The following NCKAP5 variants were observed in gnomAD, a reference collection of about 807,000 sequenced individuals.
The protein encoded by NCKAP5 is NCK associated protein 5.
A neutral mutation model predicts 167.0 loss-of-function variants in NCKAP5; 92 were observed. The ratio of observed to expected loss-of-function variants is 0.55; its 90% CI spans 0.47 to 0.66. NCKAP5 has a LOEUF of 0.66. NCKAP5 is among the 30% of genes least tolerant of loss of function. The pLI is 0.00. For synonymous variants in NCKAP5, 891 were observed against 877.4 expected (o/e 1.02, Z -0.27); for missense variants, 2,378 against 2,315.0 (o/e 1.03, Z -0.56).
At chr2:132,907,420 T>C (rs1221303309) in intron 8 of NCKAP5, among the ~76,000 whole-genome samples, 1 of 152,220 alleles carries the variant, frequency 6.6e-6, no homozygotes, top group South Asian at 2.1e-4. Flanking sequence ...AGAGTCCTCT[T>C]TAAGTTTAGC....
chr2:133,645,152 C>T, the NCKAP5 span, among the ~76,000 whole-genome samples: 1 of 152,106 alleles, frequency 6.6e-6, no homozygotes, highest in African/African-American at 2.4e-5. Flanking sequence ...AATCAAAGAA[C>T]TCACAGTTCA....
At chr2:133,162,955 T>G (rs987812477) in intron 5 of NCKAP5, among the ~76,000 whole-genome samples, 1 of 152,178 alleles carries the variant, frequency 6.6e-6, no homozygotes, top group African/African-American at 2.4e-5. Flanking sequence ...ACTAGAGAAC[T>G]AGGATGATGC....
chr2:133,479,310 T>G (rs1245119476), intron 3 of NCKAP5, among the ~76,000 whole-genome samples: 1 of 152,240 alleles, frequency 6.6e-6, no homozygotes, highest in African/African-American at 2.4e-5. Context: ...AACATAATCC[T>G]TATGAATTTA....
chr2:132,884,876 C>G (rs1012633885), intron 8 of NCKAP5, among the ~76,000 whole-genome samples: 2 of 152,228 alleles, frequency 1.3e-5, no homozygotes, highest in Non-Finnish European at 2.9e-5. Context: ...TGCAAAAACA[C>G]TGCAATCGAT....
intron 2 of NCKAP5, among the ~76,000 whole-genome samples, chr2:133,542,720 T>C (rs1173605826): frequency 1.3e-5 from 2 of 152,196 alleles, no homozygotes; most frequent in Admixed American, 6.5e-5. Flanking sequence ...TGTATTACGT[T>C]CTTGTCATCT....
At position 132,780,396 on chromosome 2, in the gene NCKAP5, C is replaced by T. The variant is rs558015222; in HGVS notation, c.5049+656G>A. On this transcript the variant is annotated intron_variant, in intron 15 of 19. Coordinates refer to ENST00000409261, the MANE Select transcript of NCKAP5 (RefSeq NM_207363.3). ...CGATCTCCTGACCTTGTGATCCGCC[C>T]GCCTCAGCCTCCCAAAGTGCTGGGA... 8.5e-5 allele frequency among the ~76,000 whole-genome samples: 13 copies of T among 152,214 alleles called. No individual in the cohort carries two copies. The South Asian group carries it at 2.1e-3, about 24-fold the overall frequency.
the NCKAP5 span, among the ~76,000 whole-genome samples, chr2:133,633,715 T>C: frequency 6.6e-6 from 1 of 152,172 alleles, no homozygotes; most frequent in Non-Finnish European, 1.5e-5. Flanking sequence ...AGCTCAGAAA[T>C]TTTATGTCAT....
At chr2:133,169,867 T>A (rs1189935610) in intron 5 of NCKAP5, among the ~76,000 whole-genome samples, 1 of 152,088 alleles carries the variant, frequency 6.6e-6, no homozygotes, top group Non-Finnish European at 1.5e-5. Flanking sequence ...AGGTAAGGCA[T>A]TAAAGGGGTT....
intron 8 of NCKAP5, among the ~76,000 whole-genome samples, chr2:132,961,927 T>A (rs2076523606): frequency 6.6e-6 from 1 of 152,222 alleles, no homozygotes; most frequent in Non-Finnish European, 1.5e-5. Context: ...AAAACTCAAA[T>A]AGGAACCTCA....
At chr2:132,908,636 G>A (rs1694194063) in intron 8 of NCKAP5, among the ~76,000 whole-genome samples, 1 of 152,142 alleles carries the variant, frequency 6.6e-6, no homozygotes, top group African/African-American at 2.4e-5. Context: ...TGCAGGAGGT[G>A]ACATTTATTA....
In NCKAP5 at chr2:133,411,262, CAG is replaced by C. The variant is rs1559463280; in HGVS notation, c.69+106194_69+106195del. 3.9e-5 allele frequency among the ~76,000 whole-genome samples: 6 copies of C among 152,320 alleles called. 1 individual carries two copies. The South Asian group carries it at 1.2e-3, about 32-fold the overall frequency. ...CCAGCCTTTGCCATGTCCTCTTCTG[CAG>C]AGAGTCATGTGTATGGGTGTGGGAC... On this transcript the variant is annotated intron_variant, in intron 3 of 19. Transcript: ENST00000409261.
At chr2:133,443,551 G>A (rs1202421454) in intron 3 of NCKAP5, among the ~76,000 whole-genome samples, 8 of 151,992 alleles carry the variant, frequency 5.3e-5, no homozygotes, top group Admixed American at 3.9e-4. Flanking sequence ...CCTCTCCTTC[G>A]GCTAACTTTT....
In NCKAP5 at chr2:132,784,130, C is replaced by T. The variant is rs1683331814; in HGVS notation, c.2681G>A (p.Gly894Glu). 1 of 1,523,886 alleles carries T rather than the reference C, an allele frequency of 6.6e-7. No homozygotes were observed. Among genetic ancestry groups the T allele is most frequent in the South Asian group, 1.3e-5 (1 of 75,396 alleles). The allele number at this position is 1,523,886 out of a possible 1,614,324, so 94.4% of individuals were successfully genotyped here. Reference sequence around the variant, plus strand: ...CTCAATGGCAGGCCTTGACCGTGACCCTGGAGTCTGACTCTTGGGGCACTG... The same window carrying T: ...CTCAATGGCAGGCCTTGACCGTGACTCTGGAGTCTGACTCTTGGGGCACTG... ...WVQCPKSQTPGSRSRPAIESS... is the reference protein window; with the variant it reads ...WVQCPKSQTPESRSRPAIESS... Residue 894 changes from glycine to glutamate, a missense_variant, in exon 14 of 20, where the codon GGG (glycine) becomes GAG (glutamate). Physicochemically the swap from Gly to Glu is moderately conservative, Grantham distance 98 (BLOSUM62 -2). This residue lies in a region of NCKAP5 where 1,325 missense variants were observed against 1,274.5 expected (regional missense o/e 1.04). Coordinates refer to ENST00000409261, the MANE Select transcript of NCKAP5 (RefSeq NM_207363.3).
chr2:132,750,525 T>C (rs1225129792), intron 16 of NCKAP5, among the ~76,000 whole-genome samples: 1 of 151,936 alleles, frequency 6.6e-6, no homozygotes, highest in South Asian at 2.1e-4. Flanking sequence ...GACTTGGGAG[T>C]ACAGTCTTGG....
intron 11 of NCKAP5, among the ~76,000 whole-genome samples, chr2:132,845,651 T>C (rs1282100653): frequency 6.6e-6 from 1 of 152,174 alleles, no homozygotes; most frequent in Non-Finnish European, 1.5e-5. Flanking sequence ...TCCAAACCCA[T>C]ACTGTTCTAA....
intron 2 of NCKAP5, among the ~76,000 whole-genome samples, chr2:133,547,561 T>TCCCTGAC (rs998205912): frequency 2.0e-5 from 3 of 151,598 alleles, no homozygotes; most frequent in Non-Finnish European, 4.4e-5. Flanking sequence ...CTCAAGTGGG[T>TCCCTGAC]CCCTGACCCC....
At chr2:132,843,103 C>T (rs564301609) in intron 11 of NCKAP5, among the ~76,000 whole-genome samples, 1 of 152,076 alleles carries the variant, frequency 6.6e-6, no homozygotes, top group South Asian at 2.1e-4. Flanking sequence ...GCTAGGGTTT[C>T]CTATGGAGCT....
At position 133,381,008 on chromosome 2, in the gene NCKAP5, T is replaced by G. The variant is rs527878939; in HGVS notation, c.70-77898A>C. ...TGAACCCCCTCTTATCCCACAAAAT[T>G]GTTGGAAATGACATTAGAGCACAAC... On this transcript the variant is annotated intron_variant, in intron 3 of 19. Transcript: ENST00000409261. Among the ~76,000 whole-genome samples the G allele has an allele frequency of 7.9e-5, 12 of 152,238 alleles. 1 individual carries two copies. In the South Asian group the frequency reaches 2.1e-3, roughly 26 times the overall value.
In NCKAP5 at chr2:133,124,655, C is replaced by T. The variant is rs147894106; in HGVS notation, c.341+5323G>A. On this transcript the variant is annotated intron_variant, in intron 6 of 19. Transcript: ENST00000409261. ...ATACGGTGTTTTGTTCATATATGTA[C>T]GTAAGACTTCTCTATCTAAATTCTA... 2.5e-3 allele frequency among the ~76,000 whole-genome samples: 382 copies of T among 152,238 alleles called. 1 individual carries two copies. The highest frequency in any genetic ancestry group is 7.9e-3 in the African/African-American group (329 of 41,546).
Sources: gnomAD v4.1 joint callset for allele counts (sites outside exome capture counted in the v4.1 genomes callset) on GRCh38, gnomAD v4.1.1 for gene constraint, gnomAD v4.1.1 regional missense constraint, MANE v1.5 for transcripts, NCBI Gene and HGNC (gene_info 2026-07-23, HGNC 2026-07-21) for gene names.